The following GRIK4 variants were observed in gnomAD, a reference collection of about 807,000 sequenced individuals.
The protein encoded by GRIK4 is glutamate receptor ionotropic, kainate 4.
GRIK4 carries 40 observed loss-of-function variants against 104.9 expected under a neutral mutation model. That is an observed-to-expected ratio of 0.38 (90% CI 0.30 to 0.50). The LOEUF is 0.50. Among genes scored for constraint, GRIK4 ranks in the 20% least tolerant of loss-of-function variants. The pLI is 0.93. For missense variants in GRIK4, 1,047 were observed against 1,308.1 expected, an observed-to-expected ratio of 0.80 and a Z score of 3.08; for synonymous variants, 485 against 524.9, an observed-to-expected ratio of 0.92 and a Z score of 1.04.
chr11:120,979,016 G>A (rs147016698), intron 19 of GRIK4, among the ~76,000 whole-genome samples: 1 of 152,332 alleles, frequency 6.6e-6, no homozygotes, highest in African/African-American at 2.4e-5. Context: ...TGCATGGGGT[G>A]AAGATTGAAT....
At chr11:120,600,695 A>G (rs1948873385) in intron 1 of GRIK4, among the ~76,000 whole-genome samples, 1 of 152,236 alleles carries the variant, frequency 6.6e-6, no homozygotes, top group Non-Finnish European at 1.5e-5. Flanking sequence ...ATGCATGGAA[A>G]GTGAAATTGG....
intron 3 of GRIK4, among the ~76,000 whole-genome samples, chr11:120,783,911 A>C (rs1027292915): frequency 2.0e-5 from 3 of 152,172 alleles, no homozygotes; most frequent in Non-Finnish European, 2.9e-5. Context: ...TGTTTTGCGA[A>C]GTGCTTTAAA....
chr11:120,902,320 C>T lies in GRIK4; in HGVS notation c.1273-2970C>T, dbSNP rs1692552587. On this transcript the variant is annotated intron_variant, in intron 12 of 20. Coordinates refer to ENST00000527524, the MANE Select transcript of GRIK4 (RefSeq NM_014619.5). This position sits in a 1 kb window ranked among gnomAD's most constrained non-coding sequence, Gnocchi z 4.5. ...CCCTGCTCCAGGCTAGCACTCAACA[C>T]CCCAGCATTCTCCAAGGTGCCAGTG... Among the ~76,000 whole-genome samples the T allele has an allele frequency of 1.3e-5, 2 of 152,178 alleles. No homozygotes were observed. The highest frequency in any genetic ancestry group is 2.9e-5 in the Non-Finnish European group (2 of 68,036).
In GRIK4 at chr11:120,850,796, CATTATTATT is replaced by C. The variant is rs60692595; in HGVS notation, c.745-11131_745-11123del. 5.5e-3 allele frequency among the ~76,000 whole-genome samples: 794 copies of C among 144,792 alleles called. 3 individuals carry two copies. Among genetic ancestry groups the C allele is most frequent in the Middle Eastern group, 0.025 (7 of 280 alleles). The allele number at this position is 144,792 out of a possible 152,430, so 95.0% of individuals were successfully genotyped here. On this transcript the variant is annotated intron_variant, in intron 8 of 20. Transcript: ENST00000527524. ...AAATAAAAGGCATTATGGCAAATCACATTATTATTATTATTATTATTATTATTATTATTA... is the reference window on the plus strand; with the variant it reads ...AAATAAAAGGCATTATGGCAAATCACATTATTATTATTATTATTATTATTA...
Position 120,903,889 on chromosome 11 carries a change from G to T in GRIK4, c.1273-1401G>T, listed in dbSNP as rs1174787586. Among the ~76,000 whole-genome samples the T allele has an allele frequency of 6.6e-6, 1 of 152,242 alleles. No individual in the cohort carries two copies. The highest frequency in any genetic ancestry group is 2.4e-5 in the African/African-American group (1 of 41,464). ...CTTCAAAAGGTCGGCAGTGACACAT[G>T]ATCAACACGCTGGTTCCCAGCCCTG... On this transcript the variant is annotated intron_variant, in intron 12 of 20. Transcript: ENST00000527524. The surrounding 1 kb of genome is among the most constrained non-coding windows in gnomAD (Gnocchi z 4.4).
chr11:120,959,015 G>A (rs1284948522), intron 16 of GRIK4, among the ~76,000 whole-genome samples: 4 of 152,166 alleles, frequency 2.6e-5, no homozygotes, highest in Non-Finnish European at 5.9e-5. Context: ...AAGGCAGAAG[G>A]AGGCAGCCAG....
At chr11:120,713,842 GA>G (rs1950781733) in intron 3 of GRIK4, among the ~76,000 whole-genome samples, 2 of 152,184 alleles carry the variant, frequency 1.3e-5, no homozygotes, top group Admixed American at 1.3e-4. Flanking sequence ...ATAGGGAAAG[GA>G]AGGCTCAATT....
In GRIK4 at chr11:120,986,456, C is replaced by A. The variant is rs1051237037; in HGVS notation, c.*196C>A. On this transcript the variant is annotated 3_prime_UTR_variant, in exon 21 of 21. Coordinates refer to ENST00000527524, the MANE Select transcript of GRIK4 (RefSeq NM_014619.5). Reference sequence around the variant, plus strand: ...GCGCCCGGTCAGGGAGCAGGGTCCACCCGGAAACGTTGCACCCAAAGGGCA... The same window carrying A: ...GCGCCCGGTCAGGGAGCAGGGTCCAACCGGAAACGTTGCACCCAAAGGGCA... 3 of 732,910 alleles carry A rather than the reference C, an allele frequency of 4.1e-6. No individual in the cohort carries two copies. Among genetic ancestry groups the A allele is most frequent in the Non-Finnish European group, 4.1e-6 (2 of 486,510 alleles). The allele number at this position is 732,910 out of a possible 1,614,324, so 45.4% of individuals were successfully genotyped here.
At chr11:120,750,348 CTCTTTTT>C (rs1951526728) in intron 3 of GRIK4, among the ~76,000 whole-genome samples, 1 of 134,656 alleles carries the variant, frequency 7.4e-6, no homozygotes. Context: ...AACTAGAAAT[CTCTTTTT>C]TTTTTTTTTT....
At chr11:120,543,957 T>G (rs560842555) in intron 1 of GRIK4, among the ~76,000 whole-genome samples, 5 of 152,160 alleles carry the variant, frequency 3.3e-5, no homozygotes, top group Non-Finnish European at 5.9e-5. Flanking sequence ...GAGGGTAGAA[T>G]GATGGTTGTC....
intron 12 of GRIK4, among the ~76,000 whole-genome samples, chr11:120,899,418 CAAAAA>C (rs57401981): frequency 2.8e-5 from 2 of 71,812 alleles, no homozygotes; most frequent in Non-Finnish European, 5.8e-5. Flanking sequence ...GAGACTGTCT[CAAAAA>C]AAAAAAAAAA....
At chr11:120,701,808 G>A (rs772242701) in intron 3 of GRIK4, among the ~76,000 whole-genome samples, 1 of 152,112 alleles carries the variant, frequency 6.6e-6, no homozygotes, top group Admixed American at 6.6e-5. Flanking sequence ...AGAGGTTGCT[G>A]GCTTGTCCAG....
At chr11:120,780,999 C>G (rs560144053) in intron 3 of GRIK4, among the ~76,000 whole-genome samples, 1 of 152,328 alleles carries the variant, frequency 6.6e-6, no homozygotes, top group East Asian at 1.9e-4. Flanking sequence ...GCCTCGGCCT[C>G]CCAAAGTGCT....
At chr11:120,692,611 T>G (rs1299394342) in intron 3 of GRIK4, among the ~76,000 whole-genome samples, 4 of 152,148 alleles carry the variant, frequency 2.6e-5, no homozygotes, top group Non-Finnish European at 4.4e-5. Context: ...AGGGGAAGGT[T>G]GCTCCGGAGG....
intron 13 of GRIK4, among the ~76,000 whole-genome samples, chr11:120,924,459 G>T (rs1943296617): frequency 6.6e-6 from 1 of 152,080 alleles, no homozygotes; most frequent in South Asian, 2.1e-4. Flanking sequence ...ATAGAAAAGT[G>T]CACAAATCGT....
chr11:120,792,574 T>C (rs1196640698), intron 3 of GRIK4, among the ~76,000 whole-genome samples: 1 of 151,860 alleles, frequency 6.6e-6, no homozygotes, highest in South Asian at 2.1e-4. Flanking sequence ...AGTAGGGTGG[T>C]GGTGTTAAGA....
chr11:120,559,977 T>C (rs1245213066), intron 1 of GRIK4, among the ~76,000 whole-genome samples: 4 of 152,124 alleles, frequency 2.6e-5, no homozygotes, highest in Non-Finnish European at 4.4e-5. Flanking sequence ...CAGGAGAAAG[T>C]TGAGTCCCTA....
At chr11:120,854,775 A>T (rs980717777) in intron 8 of GRIK4, among the ~76,000 whole-genome samples, 2 of 152,204 alleles carry the variant, frequency 1.3e-5, no homozygotes, top group Non-Finnish European at 2.9e-5. Flanking sequence ...TCACAATGGC[A>T]CAGTGAAGTC....
At chr11:120,643,270 G>GC (rs1949494070) in intron 1 of GRIK4, among the ~76,000 whole-genome samples, 1 of 152,222 alleles carries the variant, frequency 6.6e-6, no homozygotes, top group Non-Finnish European at 1.5e-5. Flanking sequence ...AAGGATGAAA[G>GC]CCCCCTGAGA....
Sources: gnomAD v4.1 joint callset for allele counts (sites outside exome capture counted in the v4.1 genomes callset) on GRCh38, gnomAD v4.1.1 for gene constraint, Gnocchi (gnomAD v3.1) non-coding constraint, MANE v1.5 for transcripts, NCBI Gene and HGNC (gene_info 2026-07-23, HGNC 2026-07-21) for gene names.